The following MARCHF1 variants were observed in gnomAD, a reference collection of about 807,000 sequenced individuals.
The protein encoded by MARCHF1 is E3 ubiquitin-protein ligase MARCHF1.
A neutral mutation model predicts 54.2 loss-of-function variants in MARCHF1; 40 were observed. The observed-to-expected ratio is 0.74, with a 90% CI of 0.57 to 0.96. The LOEUF is 0.96. Ranked by LOEUF, MARCHF1 falls within the 40% of genes least tolerant of loss-of-function variation. The pLI, the probability that MARCHF1 is intolerant of heterozygous loss-of-function variation, is 0.00. For synonymous variants in MARCHF1, 236 were observed against 236.3 expected (o/e 1.00, Z 0.01); for missense variants, 586 against 656.5 (o/e 0.89, Z 1.17).
At chr4:163,979,432 T>C (rs1752717055) in intron 3 of MARCHF1, among the ~76,000 whole-genome samples, 1 of 145,534 alleles carries the variant, frequency 6.9e-6, no homozygotes. Context: ...TGTTGGACAT[T>C]TGGGTTGGTT....
intron 4 of MARCHF1, among the ~76,000 whole-genome samples, chr4:163,727,598 C>A (rs1175518004): frequency 9.5e-5 from 14 of 147,106 alleles, no homozygotes; most frequent in Non-Finnish European, 2.1e-4. Flanking sequence ...AGCCAACGCA[C>A]CTGGCCCTAA....
intron 1 of MARCHF1, among the ~76,000 whole-genome samples, chr4:164,296,498 T>A (rs998539269): frequency 1.3e-5 from 2 of 152,096 alleles, no homozygotes; most frequent in African/African-American, 4.8e-5. Context: ...GCTTCCCGAG[T>A]AGGTGGGATT....
chr4:164,279,610 T>C (rs554328417), intron 1 of MARCHF1, among the ~76,000 whole-genome samples: 2 of 151,832 alleles, frequency 1.3e-5, no homozygotes, highest in Admixed American at 1.3e-4. Context: ...TCATTGGACA[T>C]TGTATACATG....
intron 1 of MARCHF1, among the ~76,000 whole-genome samples, chr4:164,141,611 C>T (rs76955056): frequency 0.015 from 2,329 of 152,278 alleles, 60 homozygotes; most frequent in African/African-American, 0.053. Context: ...ACATAGAGCC[C>T]ATGATTTCAC....
chr4:164,136,543 A>T (rs1462973550), intron 1 of MARCHF1, among the ~76,000 whole-genome samples: 1 of 152,138 alleles, frequency 6.6e-6, no homozygotes, highest in African/African-American at 2.4e-5. Context: ...GGGAGCAGGG[A>T]AGAGAGTGGA....
In MARCHF1 at chr4:163,851,600, TC is replaced by T. The variant is rs146963569; in HGVS notation, c.111+2420del. On this transcript the variant is annotated intron_variant, in intron 4 of 9. Transcript: ENST00000514618. The stretch of plus-strand genomic sequence containing the variant: ...TTGTCACTCGTGAAGAGTAATAATC[TC>T]TTTTCTGGAGATAATGGAACATGAC... Among the ~76,000 whole-genome samples, 792 of 152,308 alleles carry T rather than the reference TC, an allele frequency of 5.2e-3. 23 individuals carry two copies. The East Asian group carries it at 0.07, about 13-fold the overall frequency.
chr4:163,833,631 C>T (rs113280988), intron 4 of MARCHF1, among the ~76,000 whole-genome samples: 7,980 of 152,126 alleles, frequency 0.052, 272 homozygotes, highest in Non-Finnish European at 0.075. Flanking sequence ...TCATCATCAC[C>T]GGCCATCAGA....
chr4:164,035,678 CAA>C (rs535701578), intron 2 of MARCHF1, among the ~76,000 whole-genome samples: 5 of 145,798 alleles, frequency 3.4e-5, no homozygotes, highest in Non-Finnish European at 7.6e-5. Context: ...TTCACACAGA[CAA>C]AAAAAATAAA....
chr4:163,704,088 AG>A (rs1455181103), intron 4 of MARCHF1, among the ~76,000 whole-genome samples: 1 of 151,558 alleles, frequency 6.6e-6, no homozygotes, highest in Non-Finnish European at 1.5e-5. Context: ...GACATAATAA[AG>A]CTTAAAAAAG....
Position 164,260,525 on chromosome 4 carries a change from G to C in MARCHF1, c.-323+123345C>G, listed in dbSNP as rs534496585. Among the ~76,000 whole-genome samples, 441 of 151,974 alleles carry C rather than the reference G, an allele frequency of 2.9e-3. 3 individuals carry two copies. The highest frequency in any genetic ancestry group is 0.01 in the African/African-American group (422 of 41,396). The stretch of plus-strand genomic sequence containing the variant: ...TACTTGGTATGCTTACTTATCAGCT[G>C]TCCTCCAGGGGCCTCACATTAGATG... On this transcript the variant is annotated intron_variant, in intron 1 of 9. Transcript: ENST00000514618.
intron 4 of MARCHF1, among the ~76,000 whole-genome samples, chr4:163,784,438 C>T (rs1405560318): frequency 6.6e-6 from 1 of 152,058 alleles, no homozygotes; most frequent in Non-Finnish European, 1.5e-5. Flanking sequence ...TCTTAATAGG[C>T]AGAACAAATG....
chr4:163,881,531 G>A (rs1750416372), intron 3 of MARCHF1, among the ~76,000 whole-genome samples: 1 of 152,140 alleles, frequency 6.6e-6, no homozygotes, highest in Non-Finnish European at 1.5e-5. Flanking sequence ...GCATGAGGCT[G>A]TTTGCCATGC....
chr4:163,915,771 T>A (rs1027758640), intron 3 of MARCHF1, among the ~76,000 whole-genome samples: 6 of 152,130 alleles, frequency 3.9e-5, no homozygotes, highest in Admixed American at 3.9e-4. Context: ...TCCATATTTA[T>A]GGAAATGGGT....
intron 2 of MARCHF1, among the ~76,000 whole-genome samples, chr4:164,109,867 C>G (rs1755794074): frequency 7.8e-6 from 1 of 127,624 alleles, no homozygotes; most frequent in Non-Finnish European, 1.6e-5. Flanking sequence ...AAGAGTTTAC[C>G]TATGTGACAA....
intron 4 of MARCHF1, among the ~76,000 whole-genome samples, chr4:163,783,522 T>C (rs1370528247): frequency 6.6e-6 from 1 of 152,178 alleles, no homozygotes; most frequent in Non-Finnish European, 1.5e-5. Context: ...ACTGTCCTTA[T>C]CCTAGCCTGA....
At chr4:163,806,115 G>T (rs1748218221) in intron 4 of MARCHF1, among the ~76,000 whole-genome samples, 2 of 152,160 alleles carry the variant, frequency 1.3e-5, no homozygotes, top group South Asian at 4.1e-4. Flanking sequence ...GAAGCATCAA[G>T]GTGTAGGTTT....
At chr4:163,853,982 C>A in intron 4 of MARCHF1, 39 bp downstream of exon 4, 2 of 1,528,034 alleles carry the variant, frequency 1.3e-6, no homozygotes, top group South Asian at 2.4e-5. Flanking sequence ...ATTCTATTTA[C>A]ATATAAGCCA....
At chr4:163,890,226 G>A (rs1039246026) in intron 3 of MARCHF1, among the ~76,000 whole-genome samples, 6 of 151,772 alleles carry the variant, frequency 4.0e-5, no homozygotes, top group Non-Finnish European at 5.9e-5. Context: ...GAGCCACCAC[G>A]CCCAGCCTCT....
chr4:164,197,546 A>T, intron 1 of MARCHF1: 2 of 1,613,366 alleles, frequency 1.2e-6, no homozygotes. Flanking sequence ...TCTGAGATTG[A>T]GGTGAGGCCT....
Sources: gnomAD v4.1 joint callset for allele counts (sites outside exome capture counted in the v4.1 genomes callset) on GRCh38, gnomAD v4.1.1 for gene constraint, MANE v1.5 for transcripts, NCBI Gene and HGNC (gene_info 2026-07-23, HGNC 2026-07-21) for gene names.